Variants in NOTCH1 observed in about 807,000 individuals in gnomAD.
NOTCH1 encodes neurogenic locus notch homolog protein 1.
A neutral mutation model predicts 254.8 loss-of-function variants in NOTCH1; 37 were observed. The ratio of observed to expected loss-of-function variants is 0.15; its 90% confidence interval spans 0.11 to 0.19. The LOEUF is 0.19. Ranked by LOEUF, NOTCH1 falls within the 10% of genes least tolerant of loss-of-function variation. The pLI is 1.00. For synonymous variants in NOTCH1, 1,731 were observed against 1,618.1 expected (o/e 1.07, Z -1.68); for missense variants, 2,972 against 3,708.6 (o/e 0.80, Z 5.16).
intron 19 of NOTCH1, 133 bp from the exon 20 acceptor site, chr9:136,508,518 C>A: frequency 1.6e-6 from 2 of 1,290,000 alleles, no homozygotes; most frequent in South Asian, 2.4e-5. Flanking sequence ...ACTGCCGCCC[C>A]TGGACTCCCC....
Position 136,508,969 on chromosome 9 carries a change from C to G in NOTCH1, c.3072G>C (p.Glu1024Asp). 1 of 1,554,942 alleles carries G rather than the reference C, an allele frequency of 6.4e-7. No individual in the cohort carries two copies. Among genetic ancestry groups the G allele is most frequent in the Non-Finnish European group, 8.7e-7 (1 of 1,150,018 alleles). Reference protein sequence around the residue: ...TGSYCQHDVNECDSQPCLHGG... With the variant: ...TGSYCQHDVNDCDSQPCLHGG... Reference sequence around the variant, plus strand: ...CATGCAGGCAGGGCTGTGAGTCGCACTCATTGACATCGTGCTGGCAGTAGC... The same window carrying G: ...CATGCAGGCAGGGCTGTGAGTCGCAGTCATTGACATCGTGCTGGCAGTAGC... Residue 1024 changes from glutamate to aspartate, a missense_variant, in exon 19 of 34, where the codon GAG (glutamate) becomes GAC (aspartate). By Grantham distance (45) the Glu-to-Asp change is conservative (BLOSUM62 2). Transcript: ENST00000651671.
rs753396547 is a variant in NOTCH1 at position 136,545,719 on chromosome 9, C to A, written c.61+7G>T. On this transcript the variant is annotated splice_region_variant and intron_variant, in intron 1 of 33. Transcript: ENST00000651671. The surrounding 1 kb of genome is among the most constrained non-coding windows in gnomAD (Gnocchi z 6.8). Reference sequence around the variant, plus strand: ...AAGTGGGGGCTCGCGGGTGGGTGGGCGCCTACCTCGTGCGGCGAGCGCGGG... The same window carrying A: ...AAGTGGGGGCTCGCGGGTGGGTGGGAGCCTACCTCGTGCGGCGAGCGCGGG... The A allele has an allele frequency of 2.6e-5, 37 of 1,434,440 alleles. No homozygotes were observed. The highest frequency in any genetic ancestry group is 1.7e-4 in the Admixed American group (6 of 35,444). The allele number at this position is 1,434,440 out of a possible 1,614,324, so 88.9% of individuals were successfully genotyped here.
At chr9:136,517,214 C>T (rs1333669333) in intron 9 of NOTCH1, 58 bp downstream of exon 9, 2 of 1,137,004 alleles carry the variant, frequency 1.8e-6, no homozygotes, top group Non-Finnish European at 2.6e-6. Context: ...CGCCCAGGCA[C>T]CCCTCAGGAG....
chr9:136,545,340 A>C lies in NOTCH1; in HGVS notation c.61+386T>G, dbSNP rs1438005189. Among the ~76,000 whole-genome samples the C allele has an allele frequency of 6.6e-6, 1 of 151,378 alleles. No individual in the cohort carries two copies. On this transcript the variant is annotated intron_variant, in intron 1 of 33. Coordinates refer to ENST00000651671, the MANE Select transcript of NOTCH1 (RefSeq NM_017617.5). The surrounding 1 kb of genome is among the most constrained non-coding windows in gnomAD (Gnocchi z 6.8). ...AGAAAGAAGATAAATGGCCCGGAGA[A>C]GCAACAGGAAACCAAAACCGACTCT...
intron 4 of NOTCH1, among the ~76,000 whole-genome samples, chr9:136,522,132 C>T (rs1843377667): frequency 6.6e-6 from 1 of 152,102 alleles, no homozygotes; most frequent in African/African-American, 2.4e-5. Flanking sequence ...CGCGTGCCAC[C>T]ATGCCTGGCT....
Position 136,518,276 on chromosome 9 carries a change from G to C in NOTCH1, c.1116C>G (p.Leu372=), listed in dbSNP as rs372623058. 27 of 1,610,800 alleles carry C rather than the reference G, an allele frequency of 1.7e-5. No individual in the cohort carries two copies. In the African/African-American group the frequency reaches 3.3e-4, roughly 20 times the overall value. The change falls in exon 7 of 34, where the codon CTC becomes CTG. Residue 372 remains leucine (L), a synonymous_variant. Transcript: ENST00000651671. ...PHGRTGLLCH[L]NDACISNPCN... ...AGGGGTTGCTGATGCATGCGTCGTT[G>C]AGGTGGCACAGCAGACCTGGGCAGG...
chr9:136,522,321 G>A (rs960122323), intron 4 of NOTCH1, among the ~76,000 whole-genome samples: 1 of 152,168 alleles, frequency 6.6e-6, no homozygotes, highest in Non-Finnish European at 1.5e-5. Flanking sequence ...TAGAGCTGCT[G>A]CAAAATTTAC....
At position 136,500,676 on chromosome 9, in the gene NOTCH1, C is replaced by T. The variant is rs1278840702; in HGVS notation, c.5810G>A (p.Arg1937His). ...CTTGGCGGCATCAGAGCGTGAGTAG[C>T]GGGCGGCCAGGTGCAAGGCGGTCTC... ...TGETALHLAA[R>H]YSRSDAAKRL... The change falls in exon 31 of 34, where the codon CGC (arginine) becomes CAC (histidine). Residue 1937 changes from arginine to histidine, a missense_variant. By Grantham distance (29) the Arg-to-His change is conservative. Transcript: ENST00000651671. 6.2e-7 allele frequency: 1 copy of T among 1,611,354 alleles called. No homozygotes were observed. Among genetic ancestry groups the T allele is most frequent in the Non-Finnish European group, 8.5e-7 (1 of 1,179,918 alleles).
intron 15 of NOTCH1, among the ~76,000 whole-genome samples, chr9:136,512,791 G>C (rs1485952605): frequency 2.6e-5 from 4 of 152,034 alleles, no homozygotes; most frequent in South Asian, 4.2e-4. Context: ...CCCCACCCCC[G>C]GGAGAAGGCC....
chr9:136,534,539 G>A (rs527550018), intron 2 of NOTCH1, among the ~76,000 whole-genome samples: 10 of 152,256 alleles, frequency 6.6e-5, no homozygotes, highest in African/African-American at 2.4e-4. Flanking sequence ...CCCACTGGGC[G>A]AGAACAGCGC....
At position 136,540,201 on chromosome 9, in the gene NOTCH1, C is replaced by G. The variant is rs1382672791; in HGVS notation, c.140+3823G>C. ...CATGTCCCACATGTGAGCTAGGTGCCTCTCTCACGCCTTGCTGGGAAGTGA... is the reference window on the plus strand; with the variant it reads ...CATGTCCCACATGTGAGCTAGGTGCGTCTCTCACGCCTTGCTGGGAAGTGA... On this transcript the variant is annotated intron_variant, in intron 2 of 33. Coordinates refer to ENST00000651671, the MANE Select transcript of NOTCH1 (RefSeq NM_017617.5). The surrounding 1 kb of genome is among the most constrained non-coding windows in gnomAD (Gnocchi z 4.4). Among the ~76,000 whole-genome samples, 1 of 152,196 alleles carries G rather than the reference C, an allele frequency of 6.6e-6. No homozygotes were observed. The highest frequency in any genetic ancestry group is 1.5e-5 in the Non-Finnish European group (1 of 68,042).
chr9:136,526,713 G>C (rs905699069), intron 2 of NOTCH1, among the ~76,000 whole-genome samples: 1 of 152,236 alleles, frequency 6.6e-6, no homozygotes, highest in African/African-American at 2.4e-5. Context: ...CAACGTGGAG[G>C]ACTGTGGGAG....
At chr9:136,507,742 C>T (rs772934314) in intron 21 of NOTCH1, among the ~76,000 whole-genome samples, 2 of 152,166 alleles carry the variant, frequency 1.3e-5, no homozygotes, top group Non-Finnish European at 1.5e-5. Flanking sequence ...AAACCCCATC[C>T]CACTTCTCAG....
At chr9:136,514,136 C>T (rs113225146) in intron 13 of NOTCH1, among the ~76,000 whole-genome samples, 2,714 of 152,294 alleles carry the variant, frequency 0.018, 34 homozygotes, top group Middle Eastern at 0.054. Context: ...GCCTTCTCTG[C>T]GCCAAATGAG....
Position 136,506,438 on chromosome 9 carries a change from C to G in NOTCH1, c.4014+89G>C. The G allele has an allele frequency of 8.8e-7, 1 of 1,134,814 alleles. No individual in the cohort carries two copies. Among genetic ancestry groups the G allele is most frequent in the East Asian group, 2.6e-5 (1 of 38,604 alleles). The allele number at this position is 1,134,814 out of a possible 1,614,324, so 70.3% of individuals were successfully genotyped here. A position where few individuals can be genotyped will look rare whatever the true frequency, so the allele number is the denominator to read the frequency against. ...AGGAGGATGAAGGCCGGGAGGATCA[C>G]TGCCCGGTCTGCGCCCCGAGGCCCC... On this transcript the variant is annotated intron_variant, in intron 24 of 33. Transcript: ENST00000651671. This position sits in a 1 kb window ranked among gnomAD's most constrained non-coding sequence, Gnocchi z 4.5.
chr9:136,538,770 G>C (rs773165230), intron 2 of NOTCH1, among the ~76,000 whole-genome samples: 13 of 152,238 alleles, frequency 8.5e-5, no homozygotes, highest in Non-Finnish European at 1.9e-4. Context: ...CCTGGAGGGT[G>C]GGCGGCCGTC....
Position 136,509,966 on chromosome 9 carries a change from G to C in NOTCH1, c.2741-5C>G, listed in dbSNP as rs779161777. 1 of 1,612,458 alleles carries C rather than the reference G, an allele frequency of 6.2e-7. No homozygotes were observed. Among genetic ancestry groups the C allele is most frequent in the South Asian group, 1.1e-5 (1 of 91,082 alleles). On this transcript the variant is annotated splice_region_variant and splice_polypyrimidine_tract_variant and intron_variant, in intron 17 of 33. Coordinates refer to ENST00000651671, the MANE Select transcript of NOTCH1 (RefSeq NM_017617.5). ...AGCCCCCGTTGTGACACGGGTCTGG[G>C]AGAGGACGGAAGGGTGAGTGTGAGG...
rs368798587 is a variant in NOTCH1 at position 136,500,579 on chromosome 9, C to G, written c.5907G>C (p.Val1969=). Reference sequence around the variant, plus strand: ...GGAAGACACCTTGTGCGTCGGCAGACACAGCCGCATGCAGCGGGGTGCGGC... The same window carrying G: ...GGAAGACACCTTGTGCGTCGGCAGAGACAGCCGCATGCAGCGGGGTGCGGC... The part of the protein sequence containing the change: ...NMGRTPLHAA[V]SADAQGVFQI... The change falls in exon 31 of 34, where the codon GTG becomes GTC. Residue 1969 remains valine, a synonymous_variant. Coordinates refer to ENST00000651671, the MANE Select transcript of NOTCH1 (RefSeq NM_017617.5). 1.2e-6 allele frequency: 2 copies of G among 1,611,644 alleles called. No individual in the cohort carries two copies. Among genetic ancestry groups the G allele is most frequent in the African/African-American group, 2.7e-5 (2 of 74,938 alleles).
intron 2 of NOTCH1, among the ~76,000 whole-genome samples, chr9:136,538,594 G>C (rs974840294): frequency 6.6e-6 from 1 of 152,248 alleles, no homozygotes. Flanking sequence ...CCAGCCGCTC[G>C]TTAAAGCTGC....
Sources: allele counts gnomAD v4.1 joint callset (sites outside exome capture counted in the v4.1 genomes callset), GRCh38; gene constraint gnomAD v4.1.1; non-coding constraint Gnocchi (gnomAD v3.1); transcripts MANE v1.5; gene names NCBI Gene and HGNC (gene_info 2026-07-23, HGNC 2026-07-21).